DPP10: variants seen among roughly 807,000 people sequenced by gnomAD.
DPP10 encodes dipeptidyl peptidase like 10.
A neutral mutation model predicts 120.9 loss-of-function variants in DPP10; 33 were observed. The ratio of observed to expected loss-of-function variants is 0.27; its 90% CI spans 0.21 to 0.37. DPP10 has a LOEUF of 0.37. DPP10 is among the 10% of genes least tolerant of loss of function. The pLI, the probability that DPP10 is intolerant of heterozygous loss-of-function variation, is 1.00. For synonymous variants in DPP10, 337 were observed against 326.1 expected, an observed-to-expected ratio of 1.03 and a Z score of -0.36; for missense variants, 816 against 942.8, an observed-to-expected ratio of 0.87 and a Z score of 1.76.
At chr2:115,763,923 A>G (rs1464482450) in intron 12 of DPP10, among the ~76,000 whole-genome samples, 1 of 152,166 alleles carries the variant, frequency 6.6e-6, no homozygotes, top group Admixed American at 6.6e-5. Context: ...CCTCATATGC[A>G]CAGGGACTTC....
chr2:115,747,220 G>GA (rs1304011723), intron 10 of DPP10, among the ~76,000 whole-genome samples: 2 of 152,258 alleles, frequency 1.3e-5, no homozygotes, highest in Admixed American at 1.3e-4. Flanking sequence ...AGGACTCATT[G>GA]ATAAGAAAAG....
At chr2:115,381,196 G>C (rs1482111512) in intron 3 of DPP10, among the ~76,000 whole-genome samples, 1 of 152,152 alleles carries the variant, frequency 6.6e-6, no homozygotes, top group Non-Finnish European at 1.5e-5. Flanking sequence ...ACACCAATCA[G>C]TCGTAGATTT....
At chr2:115,087,955 T>A (rs1708864479) in intron 1 of DPP10, among the ~76,000 whole-genome samples, 2 of 152,202 alleles carry the variant, frequency 1.3e-5, no homozygotes, top group Non-Finnish European at 2.9e-5. Flanking sequence ...CTTGGTGGCT[T>A]ATAAACACAG....
chr2:114,830,253 C>A (rs72832416), intron 1 of DPP10, among the ~76,000 whole-genome samples: 4,915 of 152,102 alleles, frequency 0.032, 102 homozygotes, highest in Non-Finnish European at 0.048. Flanking sequence ...TCGAGTACCC[C>A]CCTTACACTA....
chr2:114,451,573 G>GA (rs1354773536), intron 1 of DPP10, among the ~76,000 whole-genome samples: 1 of 151,902 alleles, frequency 6.6e-6, no homozygotes, highest in Admixed American at 6.6e-5. Context: ...CAAAGATGAA[G>GA]AAAAAAGGCA....
chr2:115,837,972 CA>C (rs1250040314), intron 24 of DPP10, among the ~76,000 whole-genome samples: 1 of 151,994 alleles, frequency 6.6e-6, no homozygotes, highest in East Asian at 1.9e-4. Context: ...ACAATAAGAA[CA>C]CCAACAAGAA....
intron 1 of DPP10, among the ~76,000 whole-genome samples, chr2:114,824,631 T>A (rs7586073): frequency 0.06 from 9,102 of 152,086 alleles, 867 homozygotes; most frequent in African/African-American, 0.21. Flanking sequence ...TATTTTAAGA[T>A]TTAATTATTA....
At chr2:114,862,605 A>T (rs570550016) in intron 1 of DPP10, among the ~76,000 whole-genome samples, 1 of 152,326 alleles carries the variant, frequency 6.6e-6, no homozygotes, top group Non-Finnish European at 1.5e-5. Context: ...AGAAAAGTTA[A>T]ACCTAAAAAA....
chr2:115,488,880 TAA>T (rs35020299), intron 3 of DPP10, among the ~76,000 whole-genome samples: 1,735 of 126,722 alleles, frequency 0.014, 25 homozygotes, highest in East Asian at 0.083. Context: ...TAGAGTATAA[TAA>T]AAAAAAAAAA....
Position 115,842,387 on chromosome 2 carries a change from A to G in DPP10, c.*42A>G. 6.3e-7 allele frequency: 1 copy of G among 1,583,462 alleles called. No individual in the cohort carries two copies. The highest frequency in any genetic ancestry group is 1.1e-5 in the South Asian group (1 of 88,116). On this transcript the variant is annotated 3_prime_UTR_variant, in exon 26 of 26. Transcript: ENST00000410059. ...AGAACTGAAGGGAATATTGAGGCTC[A>G]ATGAAACCTGACAAAGAGACTGTAA... is the stretch of plus-strand genomic sequence containing the variant.
chr2:115,250,236 A>G (rs2058697481), intron 1 of DPP10, among the ~76,000 whole-genome samples: 1 of 152,196 alleles, frequency 6.6e-6, no homozygotes, highest in Admixed American at 6.6e-5. Context: ...TGTAAAACAG[A>G]TATTTACTGA....
In DPP10 at chr2:114,947,995, A is replaced by G. The variant is rs535662580; in HGVS notation, c.61-361244A>G. On this transcript the variant is annotated intron_variant, in intron 1 of 25. Coordinates refer to ENST00000410059, the MANE Select transcript of DPP10 (RefSeq NM_020868.6). ...TTATAGCTCTCTTTAGTTTTAAAAAATTATTGGTCATTAATCCTTCAAATA... is the reference window on the plus strand; with the variant it reads ...TTATAGCTCTCTTTAGTTTTAAAAAGTTATTGGTCATTAATCCTTCAAATA... Among the ~76,000 whole-genome samples the G allele has an allele frequency of 5.3e-5, 8 of 152,172 alleles. No individual in the cohort carries two copies. The South Asian group carries it at 1.7e-3, about 32-fold the overall frequency.
chr2:115,838,351 A>T lies in DPP10; in HGVS notation c.2182+1605A>T, dbSNP rs563354158. Among the ~76,000 whole-genome samples, 88 of 152,344 alleles carry T rather than the reference A, an allele frequency of 5.8e-4. 1 individual carries two copies. Among genetic ancestry groups the T allele is most frequent in the African/African-American group, 2.0e-3 (85 of 41,592 alleles). ...TCATTGTATGTCAGAAAATGTGCTA[A>T]AAGCATTTAATATTATCTTATTTGT... is the stretch of plus-strand genomic sequence containing the variant. On this transcript the variant is annotated intron_variant, in intron 24 of 25. Coordinates refer to ENST00000410059, the MANE Select transcript of DPP10 (RefSeq NM_020868.6).
intron 1 of DPP10, among the ~76,000 whole-genome samples, chr2:115,240,751 TACTAA>T (rs1228440292): frequency 6.6e-6 from 1 of 152,202 alleles, no homozygotes; most frequent in Non-Finnish European, 1.5e-5. Flanking sequence ...AGTATGCCCA[TACTAA>T]GTACCCACTC....
chr2:114,499,108 A>G (rs1682931894), intron 1 of DPP10, among the ~76,000 whole-genome samples: 1 of 152,234 alleles, frequency 6.6e-6, no homozygotes, highest in African/African-American at 2.4e-5. Context: ...TGACGCGTCC[A>G]TGGTGGCAGC....
chr2:115,795,243 A>G (rs1345990709), intron 19 of DPP10, among the ~76,000 whole-genome samples: 4 of 152,152 alleles, frequency 2.6e-5, no homozygotes, highest in African/African-American at 9.7e-5. Flanking sequence ...GAGCAGCATC[A>G]GCTCAGGAGT....
chr2:114,939,273 G>T (rs1356039344), intron 1 of DPP10, among the ~76,000 whole-genome samples: 1 of 145,856 alleles, frequency 6.9e-6, no homozygotes, highest in East Asian at 1.9e-4. Context: ...GGTGTTGAAA[G>T]GGGGGGGTGG....
intron 5 of DPP10, among the ~76,000 whole-genome samples, chr2:115,621,557 A>G (rs2084944263): frequency 6.6e-6 from 1 of 152,230 alleles, no homozygotes; most frequent in South Asian, 2.1e-4. Context: ...AATACTCTGT[A>G]AAGTAAATTT....
At chr2:115,541,217 A>G (rs886146596) in intron 5 of DPP10, among the ~76,000 whole-genome samples, 3 of 151,910 alleles carry the variant, frequency 2.0e-5, no homozygotes, top group Non-Finnish European at 4.4e-5. Context: ...AAATGTTCCA[A>G]ATTATGGGGC....
Sources: allele counts gnomAD v4.1 joint callset (sites outside exome capture counted in the v4.1 genomes callset), GRCh38; gene constraint gnomAD v4.1.1; transcripts MANE v1.5; gene names NCBI Gene and HGNC (gene_info 2026-07-23, HGNC 2026-07-21).